The following C3orf52 variants were observed in gnomAD, a reference collection of about 807,000 sequenced individuals.
C3orf52 encodes chromosome 3 open reading frame 52, also known as TPA-induced transmembrane protein.
Under a neutral mutation model 24.8 loss-of-function variants are expected in C3orf52, and 22 were observed. That is an observed-to-expected ratio of 0.89 (90% CI 0.63 to 1.27). The LOEUF is 1.27. Among genes scored for constraint, C3orf52 ranks in the 50% most tolerant of loss-of-function variants. The probability of loss-of-function intolerance (pLI) is 0.00; values close to 1 mark genes in which losing one functional copy is unlikely to be tolerated. For synonymous variants in C3orf52, 93 were observed against 100.2 expected, an observed-to-expected ratio of 0.93 and a Z score of 0.43; for missense variants, 265 against 260.7, an observed-to-expected ratio of 1.02 and a Z score of -0.11.
At chr3:112,132,759 A>ATT, downstream of C3orf52, 1 of 602,628 alleles carries the variant, frequency 1.7e-6, no homozygotes, top group Non-Finnish European at 2.1e-6. Flanking sequence ...GAGCATGAGG[A>ATT]GCTCAGGAGA....
intron 2 of C3orf52, among the ~76,000 whole-genome samples, chr3:112,098,763 T>A (rs1282174209): frequency 6.6e-6 from 1 of 152,178 alleles, no homozygotes; most frequent in Non-Finnish European, 1.5e-5. Flanking sequence ...ATTTCGTAGA[T>A]CATGCCTTCT....
At chr3:112,115,168 T>G (rs13434018) in intron 5 of C3orf52, among the ~76,000 whole-genome samples, 2,053 of 152,296 alleles carry the variant, frequency 0.013, 47 homozygotes, top group African/African-American at 0.046. Context: ...AGAGCATGAA[T>G]GTGCAATATT....
chr3:112,113,133 C>T lies in C3orf52; in HGVS notation c.637C>T (p.Leu213Phe), dbSNP rs981659049. ...CESLGLDPTS[L>F]LLYE is the part of the protein sequence containing the mutation. Reference sequence around the variant, plus strand: ...GAGTCTGGGGCTTGATCCAACATCCCTCTTGCTCTATGGTAAGTAGAGCAA... The same window carrying T: ...GAGTCTGGGGCTTGATCCAACATCCTTCTTGCTCTATGGTAAGTAGAGCAA... Residue 213 changes from leucine to phenylalanine, a missense_variant, in exon 5 of 6, where the codon CTC (leucine) becomes TTC (phenylalanine). Leu to Phe is a conservative substitution (Grantham distance 22). Coordinates refer to ENST00000264848, the MANE Select transcript of C3orf52 (RefSeq NM_024616.3). The T allele has an allele frequency of 6.8e-6, 11 of 1,606,284 alleles. No homozygotes were observed. Among genetic ancestry groups the T allele is most frequent in the Non-Finnish European group, 9.3e-6 (11 of 1,176,656 alleles).
downstream of C3orf52, chr3:112,134,359 T>C (rs2074525593): frequency 6.6e-6 from 1 of 152,200 alleles, no homozygotes; most frequent in Non-Finnish European, 1.5e-5. Context: ...TGTCCACGGA[T>C]GGCAACTGCT....
chr3:112,117,508 T>C lies in C3orf52; in HGVS notation c.*862T>C, dbSNP rs16859233. On this transcript the variant is annotated 3_prime_UTR_variant, in exon 6 of 6. Coordinates refer to ENST00000264848, the MANE Select transcript of C3orf52 (RefSeq NM_024616.3). ...TCACTTTGGATAGTCACTCCATTTA[T>C]ATTTTTATAAACTTCCATTAGAGAA... The C allele has an allele frequency of 5.8e-3, 887 of 152,886 alleles. 21 individuals are homozygous for C. The highest frequency in any genetic ancestry group is 0.05 in the East Asian group (261 of 5,192). 9.5% of individuals were successfully genotyped at this position (152,886 alleles called of 1,614,324 possible). A position where few individuals can be genotyped will look rare whatever the true frequency, so the allele number is the denominator to read the frequency against.
At chr3:112,108,809 A>G (rs761231790) in intron 3 of C3orf52, among the ~76,000 whole-genome samples, 1 of 152,224 alleles carries the variant, frequency 6.6e-6, no homozygotes, top group Non-Finnish European at 1.5e-5. Context: ...ATTTGTAAAA[A>G]TATGCAAGGA....
At chr3:112,100,377 A>C (rs2073961860) in intron 2 of C3orf52, among the ~76,000 whole-genome samples, 1 of 152,218 alleles carries the variant, frequency 6.6e-6, no homozygotes. Flanking sequence ...TTTCTACACG[A>C]ATAAGTATAG....
downstream of C3orf52, chr3:112,121,586 A>T (rs2074200712): frequency 6.6e-6 from 1 of 152,216 alleles, no homozygotes; most frequent in African/African-American, 2.4e-5. Flanking sequence ...AAGCCATGTT[A>T]CATCTTGTAC....
intron 2 of C3orf52, among the ~76,000 whole-genome samples, chr3:112,101,064 T>C (rs1439357286): frequency 1.3e-5 from 2 of 152,240 alleles, no homozygotes; most frequent in African/African-American, 2.4e-5. Context: ...CGTAACTTTT[T>C]TTTTAAATCA....
At chr3:112,108,620 A>G (rs2074049790) in intron 3 of C3orf52, among the ~76,000 whole-genome samples, 1 of 152,254 alleles carries the variant, frequency 6.6e-6, no homozygotes, top group Non-Finnish European at 1.5e-5. Context: ...ATACTCATTT[A>G]AAGGAATCTG....
At position 112,117,064 on chromosome 3, in the gene C3orf52, T is replaced by C. The variant is rs1426289246; in HGVS notation, c.*418T>C. 6 of 760,434 alleles carry C rather than the reference T, an allele frequency of 7.9e-6. No individual in the cohort carries two copies. Among genetic ancestry groups the C allele is most frequent in the African/African-American group, 3.5e-5 (2 of 56,924 alleles). The allele number at this position is 760,434 out of a possible 1,614,324, so 47.1% of individuals were successfully genotyped here. ...AGCACTCCACCCACCTGGGCTACTT[T>C]TTCTTTAGTGCAGAGGTGCACTGTC... On this transcript the variant is annotated 3_prime_UTR_variant, in exon 6 of 6. Coordinates refer to ENST00000264848, the MANE Select transcript of C3orf52 (RefSeq NM_024616.3).
chr3:112,119,577 T>C (rs890848170), downstream of C3orf52: 5 of 701,322 alleles, frequency 7.1e-6, no homozygotes, highest in African/African-American at 1.7e-5. Context: ...ATATTCTCTC[T>C]TTTGTCTTTT....
intron 4 of C3orf52, chr3:112,123,535 G>A (rs754450933): frequency 7.4e-6 from 12 of 1,614,194 alleles, no homozygotes; most frequent in Non-Finnish European, 1.0e-5. Flanking sequence ...ATTCTGTGAG[G>A]CATGAGAAGT....
chr3:112,087,324 CTT>C, intron 1 of C3orf52, among the ~76,000 whole-genome samples: 2 of 152,304 alleles, frequency 1.3e-5, no homozygotes, highest in East Asian at 3.9e-4. Context: ...AGGCCAAGCT[CTT>C]TTCTGATTCA....
At chr3:112,112,896 G>A in intron 4 of C3orf52, 68 bp from the exon 5 acceptor site, 4 of 1,293,696 alleles carry the variant, frequency 3.1e-6, no homozygotes, top group Non-Finnish European at 3.3e-6. Context: ...AAAAGTTATT[G>A]CTTAAATTCA....
At chr3:112,105,570 G>GTGTGTGTT (rs199579112) in intron 3 of C3orf52, among the ~76,000 whole-genome samples, 19 of 134,050 alleles carry the variant, frequency 1.4e-4, no homozygotes, top group African/African-American at 5.1e-4. Flanking sequence ...GTGTGTGTGT[G>GTGTGTGTT]TTTTCCACAC....
chr3:112,087,771 C>T (rs1276618671), intron 1 of C3orf52, among the ~76,000 whole-genome samples: 1 of 150,788 alleles, frequency 6.6e-6, no homozygotes, highest in Non-Finnish European at 1.5e-5. Flanking sequence ...TCCTCCAGGG[C>T]GGTGTCCAGG....
At chr3:112,102,700 C>T in intron 2 of C3orf52, 138 bp from the exon 3 acceptor site, 1 of 759,162 alleles carries the variant, frequency 1.3e-6, no homozygotes, top group Non-Finnish European at 2.0e-6. Flanking sequence ...TCTGCTTACA[C>T]TTGCTTGCTG....
At chr3:112,131,164 A>T (rs959848026), downstream of C3orf52, among the ~76,000 whole-genome samples, 2 of 152,172 alleles carry the variant, frequency 1.3e-5, no homozygotes, top group Non-Finnish European at 2.9e-5. Context: ...TAAGATAGAT[A>T]TTATCATTAT....
Sources: gnomAD v4.1 joint callset for allele counts (sites outside exome capture counted in the v4.1 genomes callset) on GRCh38, gnomAD v4.1.1 for gene constraint, MANE v1.5 for transcripts, NCBI Gene and HGNC (gene_info 2026-07-23, HGNC 2026-07-21) for gene names.